GATA4: variants seen among roughly 807,000 people sequenced by gnomAD.
GATA4 encodes transcription factor GATA-4.
A neutral mutation model predicts 37.9 loss-of-function variants in GATA4; 7 were observed. That is an observed-to-expected ratio of 0.18 (90% CI 0.11 to 0.35). The LOEUF (loss-of-function observed/expected upper bound fraction) is 0.35, where lower values mean the gene tolerates loss of function less well. Among genes scored for constraint, GATA4 ranks in the 10% least tolerant of loss-of-function variants. GATA4 has a pLI of 1.00. For synonymous variants in GATA4, 372 were observed against 292.6 expected (o/e 1.27, Z -2.77); for missense variants, 647 against 653.0 (o/e 0.99, Z 0.10).
chr8:11,700,509 AG>A (rs1799638014), upstream of GATA4: 1 of 152,296 alleles, frequency 6.6e-6, no homozygotes, highest in Non-Finnish European at 1.5e-5. Flanking sequence ...TTCCTTCAGC[AG>A]GGACGCATCC....
rs1384757505 is a variant in GATA4, at chr8:11,759,473, TG to T, written c.*1000del. 6.6e-6 allele frequency: 1 copy of T among 152,300 alleles called. No individual in the cohort carries two copies. Among genetic ancestry groups the T allele is most frequent in the Non-Finnish European group, 1.5e-5 (1 of 68,082 alleles). The allele number at this position is 152,300 out of a possible 1,614,324, so 9.4% of individuals were successfully genotyped here. On this transcript the variant is annotated 3_prime_UTR_variant, in exon 7 of 7. Transcript: ENST00000532059. Reference sequence around the variant, plus strand: ...CTGTCTGTCTGCTCCTCCTAGCCCTTGGTCAGATGGCAGCCAGAGTCCCTCA... The same window carrying T: ...CTGTCTGTCTGCTCCTCCTAGCCCTTGTCAGATGGCAGCCAGAGTCCCTCA...
At chr8:11,702,282 CT>C, upstream of GATA4, among the ~76,000 whole-genome samples, 1 of 152,266 alleles carries the variant, frequency 6.6e-6, no homozygotes, top group East Asian at 1.9e-4. The surrounding 1 kb of genome is among the most constrained non-coding windows in gnomAD (Gnocchi z 4.4). Flanking sequence ...AGACTCAGCC[CT>C]TTTCGCCCTT....
chr8:11,749,731 C>G lies in GATA4; in HGVS notation c.787-380C>G, dbSNP rs1802201363. ...TTCAGACTTTGATACCATTTGGACA[C>G]CGTGATTCCTCACTCTCTGCCTGCC... is the stretch of plus-strand genomic sequence containing the variant. On this transcript the variant is annotated intron_variant, in intron 3 of 6. Coordinates refer to ENST00000532059, the MANE Select transcript of GATA4 (RefSeq NM_001308093.3). The surrounding 1 kb of genome is among the most constrained non-coding windows in gnomAD (Gnocchi z 4.6). Among the ~76,000 whole-genome samples the G allele has an allele frequency of 6.6e-6, 1 of 152,202 alleles. No individual in the cohort carries two copies. The highest frequency in any genetic ancestry group is 1.5e-5 in the Non-Finnish European group (1 of 68,038).
At chr8:11,724,787 G>T (rs1256166640) in intron 2 of GATA4, among the ~76,000 whole-genome samples, 1 of 152,222 alleles carries the variant, frequency 6.6e-6, no homozygotes, top group Non-Finnish European at 1.5e-5. Flanking sequence ...GAGAGGAGGC[G>T]ATCAGAGGCC....
At chr8:11,699,998 T>C (rs1799622434), upstream of GATA4, among the ~76,000 whole-genome samples, 1 of 152,208 alleles carries the variant, frequency 6.6e-6, no homozygotes, top group Non-Finnish European at 1.5e-5. Context: ...GAATCCAGGT[T>C]CTAGACCTGC....
At chr8:11,731,533 A>G (rs34421088) in intron 2 of GATA4, among the ~76,000 whole-genome samples, 50,327 of 152,226 alleles carry the variant, frequency 0.33, 10,625 homozygotes, top group Non-Finnish European at 0.48. Context: ...CGTCAAATTC[A>G]TGACGACAGA....
upstream of GATA4, among the ~76,000 whole-genome samples, chr8:11,701,671 TC>T (rs1799681652): frequency 1.3e-5 from 2 of 152,190 alleles, no homozygotes; most frequent in Non-Finnish European, 2.9e-5. Context: ...CCCTGGTTTG[TC>T]CTTGAGCTGA....
intron 2 of GATA4, among the ~76,000 whole-genome samples, chr8:11,712,287 CG>C (rs1800220608): frequency 6.6e-6 from 1 of 152,180 alleles, no homozygotes. Context: ...CCCCAGTGAA[CG>C]CAGATTGTTG....
chr8:11,758,534 A>T lies in GATA4; in HGVS notation c.*59A>T. On this transcript the variant is annotated 3_prime_UTR_variant, in exon 7 of 7. Coordinates refer to ENST00000532059, the MANE Select transcript of GATA4 (RefSeq NM_001308093.3). ...ACCTGGGACTTGGAGGATAGCAAAG[A>T]AGGAGGCCCTGGGCTCCCAGGGGCC... 6.3e-7 allele frequency: 1 copy of T among 1,580,306 alleles called. No homozygotes were observed. The highest frequency in any genetic ancestry group is 8.7e-7 in the Non-Finnish European group (1 of 1,149,506).
rs534114355 is a variant in GATA4, at chr8:11,677,100, C to T, written c.-274+37C>T. The T allele has an allele frequency of 1.3e-3, 192 of 152,928 alleles. 3 individuals are homozygous for T. Among genetic ancestry groups the T allele is most frequent in the Non-Finnish European group, 2.3e-3 (161 of 68,544 alleles). The allele number at this position is 152,928 out of a possible 1,614,324, so 9.5% of individuals were successfully genotyped here. A position where few individuals can be genotyped will look rare whatever the true frequency, so the allele number is the denominator to read the frequency against. ...CCTGGCCCTCCTGGTGACCCCTCTG[C>T]CGTGGGAGGCTGGGATGCTGGGGGA... On this transcript the variant is annotated intron_variant, in intron 1 of 6. Transcript: ENST00000528712.
At chr8:11,697,291 G>A (rs1042239263) in intron 1 of GATA4, among the ~76,000 whole-genome samples, 4 of 152,212 alleles carry the variant, frequency 2.6e-5, no homozygotes, top group African/African-American at 9.6e-5. Flanking sequence ...GAAACCAGCC[G>A]CAAAGAAATG....
At chr8:11,758,040 A>G (rs771993115) in intron 6 of GATA4, among the ~76,000 whole-genome samples, 5 of 152,160 alleles carry the variant, frequency 3.3e-5, no homozygotes, top group African/African-American at 1.2e-4. Context: ...CTGGGCAACC[A>G]CAGTATCCAC....
chr8:11,695,978 C>G (rs904194507), intron 1 of GATA4, among the ~76,000 whole-genome samples: 3 of 152,146 alleles, frequency 2.0e-5, no homozygotes, highest in Non-Finnish European at 4.4e-5. Flanking sequence ...AATCACTTTT[C>G]TAACATATTT....
chr8:11,749,877 C>T lies in GATA4; in HGVS notation c.787-234C>T, dbSNP rs982181976. Among the ~76,000 whole-genome samples, 15 of 152,316 alleles carry T rather than the reference C, an allele frequency of 9.8e-5. No individual in the cohort carries two copies. The highest frequency in any genetic ancestry group is 2.4e-4 in the African/African-American group (10 of 41,576). On this transcript the variant is annotated intron_variant, in intron 3 of 6. Transcript: ENST00000532059. The surrounding 1 kb of genome is among the most constrained non-coding windows in gnomAD (Gnocchi z 4.6). ...ATGGTTAGGACTGGAAACCAGGTCT[C>T]GATGCCCACGTTCGCTCTCCTCGGG...
intron 1 of GATA4, among the ~76,000 whole-genome samples, chr8:11,683,633 G>T (rs1799048033): frequency 6.6e-6 from 1 of 152,180 alleles, no homozygotes; most frequent in Non-Finnish European, 1.5e-5. Flanking sequence ...TGTACTGACA[G>T]GTTAAATTAT....
chr8:11,719,204 CTT>C (rs59334847), intron 2 of GATA4, among the ~76,000 whole-genome samples: 4 of 142,598 alleles, frequency 2.8e-5, no homozygotes, highest in Admixed American at 7.0e-5. Context: ...TGGGGGAGTC[CTT>C]TTTTTTTTTT....
At chr8:11,724,852 G>A (rs1186931312) in intron 2 of GATA4, among the ~76,000 whole-genome samples, 1 of 152,244 alleles carries the variant, frequency 6.6e-6, no homozygotes, top group African/African-American at 2.4e-5. Flanking sequence ...GGGAAGGAAA[G>A]TCACAGGCCA....
chr8:11,729,916 A>G (rs935190279), intron 2 of GATA4, among the ~76,000 whole-genome samples: 1 of 148,852 alleles, frequency 6.7e-6, no homozygotes, highest in African/African-American at 2.4e-5. Context: ...ACCACTTACT[A>G]TTTGTTGTCG....
intron 2 of GATA4, among the ~76,000 whole-genome samples, chr8:11,721,328 C>G (rs891128722): frequency 2.0e-5 from 3 of 149,156 alleles, no homozygotes; most frequent in Admixed American, 1.3e-4. Context: ...TCTGCAGTCC[C>G]GAGTGGAGGG....
Sources: allele counts gnomAD v4.1 joint callset (sites outside exome capture counted in the v4.1 genomes callset), GRCh38; gene constraint gnomAD v4.1.1; non-coding constraint Gnocchi (gnomAD v3.1); transcripts MANE v1.5; gene names NCBI Gene and HGNC (gene_info 2026-07-23, HGNC 2026-07-21).